The following SAMD14 variants were observed in gnomAD, a reference collection of about 807,000 sequenced individuals.
SAMD14 encodes the protein sterile alpha motif domain-containing protein 14.
SAMD14 carries 27 observed loss-of-function variants against 46.2 expected under a neutral mutation model. That is an observed-to-expected ratio of 0.58 (90% CI 0.43 to 0.81). The LOEUF (loss-of-function observed/expected upper bound fraction) is 0.81, where lower values mean the gene tolerates loss of function less well. Ranked by LOEUF, SAMD14 falls within the 30% of genes least tolerant of loss-of-function variation. SAMD14 has a pLI of 0.00. For missense variants in SAMD14, 559 were observed against 582.2 expected (o/e 0.96, Z 0.41); for synonymous variants, 241 against 254.3 (o/e 0.95, Z 0.50).
rs192404497 is a variant in SAMD14, at chr17:50,117,997, T to C, written c.210+164A>G. On this transcript the variant is annotated intron_variant, in intron 3 of 9. Coordinates refer to ENST00000330175, the MANE Select transcript of SAMD14 (RefSeq NM_001257359.2). ...CTAATAATATCTTCTTTACACAGGA[T>C]TAAATGAGCCAGAAGTGAACTGCAG... 49 of 806,300 alleles carry C rather than the reference T, an allele frequency of 6.1e-5. No individual in the cohort carries two copies. In the African/African-American group the frequency reaches 7.6e-4, roughly 12 times the overall value. The allele number at this position is 806,300 out of a possible 1,614,324, so 49.9% of individuals were successfully genotyped here.
At chr17:50,114,347 C>G (rs771299241) in intron 7 of SAMD14, 41 bp from the exon 8 acceptor site, 4 of 1,613,898 alleles carry the variant, frequency 2.5e-6, no homozygotes, top group Non-Finnish European at 3.4e-6. Flanking sequence ...AGAGTTCACC[C>G]CCAACCCACC....
Position 50,115,154 on chromosome 17 carries a change from A to T in SAMD14, c.822+410T>A, listed in dbSNP as rs557508982. ...ATCACATAGGGTTGTAAGCTTTCAGACCACTAGGTTGGGGTCCTGTTTGTC... is the reference window on the plus strand; with the variant it reads ...ATCACATAGGGTTGTAAGCTTTCAGTCCACTAGGTTGGGGTCCTGTTTGTC... On this transcript the variant is annotated intron_variant, in intron 7 of 9. Transcript: ENST00000330175. The surrounding 1 kb of genome is among the most constrained non-coding windows in gnomAD (Gnocchi z 5.3). 5.5e-4 allele frequency: 92 copies of T among 167,182 alleles called. No individual in the cohort carries two copies. Among genetic ancestry groups the T allele is most frequent in the African/African-American group, 2.1e-3 (90 of 42,050 alleles). The allele number at this position is 167,182 out of a possible 1,614,324, so 10.4% of individuals were successfully genotyped here.
At chr17:50,114,585 A>ATGATAC in intron 7 of SAMD14, 1 of 517,260 alleles carries the variant, frequency 1.9e-6, no homozygotes, top group South Asian at 4.7e-5. Context: ...CACTTCCTAC[A>ATGATAC]GGCAGACCAC....
rs1252035700 is a variant in SAMD14 at position 50,114,255 on chromosome 17, G to A, written c.874C>T (p.Pro292Ser). The A allele has an allele frequency of 6.2e-7, 1 of 1,614,106 alleles. No individual in the cohort carries two copies. The highest frequency in any genetic ancestry group is 8.5e-7 in the Non-Finnish European group (1 of 1,180,006). The change falls in exon 8 of 10, where the codon CCC becomes TCC. Residue 292 changes from proline (P) to serine (S), a missense_variant. Transcript: ENST00000330175. ...STPPSSSPKI[P>S]SGPWQEAKCS... ...TTGGCCTCCTGCCAGGGCCCACTGG[G>A]GATCTTGGGGCTGCTGCTGGGGGGC... is the stretch of plus-strand genomic sequence containing the variant.
Position 50,115,523 on chromosome 17 carries a change from G to A in SAMD14, c.822+41C>T. 1 of 1,509,564 alleles carries A rather than the reference G, an allele frequency of 6.6e-7. No individual in the cohort carries two copies. The highest frequency in any genetic ancestry group is 8.9e-7 in the Non-Finnish European group (1 of 1,127,496). The allele number at this position is 1,509,564 out of a possible 1,614,324, so 93.5% of individuals were successfully genotyped here. On this transcript the variant is annotated intron_variant, in intron 7 of 9. Coordinates refer to ENST00000330175, the MANE Select transcript of SAMD14 (RefSeq NM_001257359.2). This position sits in a 1 kb window ranked among gnomAD's most constrained non-coding sequence, Gnocchi z 5.3. ...TGAAGTACGCCCTCATGTCACCTGAGACTGGGGGCCAGTTTGGGGACAAGA... is the reference window on the plus strand; with the variant it reads ...TGAAGTACGCCCTCATGTCACCTGAAACTGGGGGCCAGTTTGGGGACAAGA...
At position 50,124,963 on chromosome 17, in the gene SAMD14, T is replaced by C. The variant is rs775462331; in HGVS notation, c.-4A>G. ...CTCGGAGCTTTGAAGAAGCCATGACTCAAGAGAGCTGGGAAGGACAAGAGG... is the reference window on the plus strand; with the variant it reads ...CTCGGAGCTTTGAAGAAGCCATGACCCAAGAGAGCTGGGAAGGACAAGAGG... On this transcript the variant is annotated 5_prime_UTR_variant, in exon 2 of 10. It removes the in-frame stop codon of an upstream open reading frame in the 5' UTR. Transcript: ENST00000330175. 37 of 1,613,454 alleles carry C rather than the reference T, an allele frequency of 2.3e-5. No homozygotes were observed. Among genetic ancestry groups the C allele is most frequent in the African/African-American group, 4.0e-5 (3 of 74,684 alleles).
rs746223178 is a variant in SAMD14, at chr17:50,116,078, T to C, written c.512A>G (p.Asp171Gly). The C allele has an allele frequency of 6.2e-7, 1 of 1,613,558 alleles. No homozygotes were observed. Among genetic ancestry groups the C allele is most frequent in the Non-Finnish European group, 8.5e-7 (1 of 1,179,644 alleles). ...GCTGGCGGGCTCAGGAGGACTGGCG[T>C]CACGGCTGTCATCTTTCCAGGGAGA... ...AEPHSEDDSRDASPPEPASPT... is the reference protein window; with the variant it reads ...AEPHSEDDSRGASPPEPASPT... Residue 171 changes from aspartate (D) to glycine (G), a missense_variant, in exon 5 of 10, where the codon GAC (aspartate) becomes GGC (glycine). Transcript: ENST00000330175.
chr17:50,114,741 A>G (rs1304124180), intron 7 of SAMD14: 1 of 265,204 alleles, frequency 3.8e-6, no homozygotes, highest in Non-Finnish European at 7.1e-6. Flanking sequence ...CTTGTTCATC[A>G]TGGTGTCCCA....
At position 50,114,527 on chromosome 17, in the gene SAMD14, AGAACCAAGCCAG is replaced by A. The variant is rs372256003; in HGVS notation, c.823-233_823-222del. 3,813 of 1,296,210 alleles carry A rather than the reference AGAACCAAGCCAG, an allele frequency of 2.9e-3. 5 individuals carry two copies. Among genetic ancestry groups the A allele is most frequent in the African/African-American group, 7.7e-3 (524 of 67,726 alleles). 80.3% of individuals were successfully genotyped at this position (1,296,210 alleles called of 1,614,324 possible). ...GCAGCCATCTGGAGGACATGGGGCT[AGAACCAAGCCAG>A]GTTAGTAGGAATGGAGGCGGTCTCA... On this transcript the variant is annotated intron_variant, in intron 7 of 9. Transcript: ENST00000330175.
rs1406027904 is a variant in SAMD14, at chr17:50,115,137, G to C, written c.822+427C>G. On this transcript the variant is annotated intron_variant, in intron 7 of 9. Transcript: ENST00000330175. This position sits in a 1 kb window ranked among gnomAD's most constrained non-coding sequence, Gnocchi z 5.3. The stretch of plus-strand genomic sequence containing the variant: ...TCTCTTACTCGTCTCACATCACATA[G>C]GGTTGTAAGCTTTCAGACCACTAGG... 1.2e-5 allele frequency: 2 copies of C among 162,656 alleles called. No homozygotes were observed. Among genetic ancestry groups the C allele is most frequent in the African/African-American group, 4.8e-5 (2 of 41,766 alleles). 10.1% of individuals were successfully genotyped at this position (162,656 alleles called of 1,614,324 possible).
intron 7 of SAMD14, 39 bp from the exon 8 acceptor site, chr17:50,114,345 C>A (rs368292780): frequency 1.9e-6 from 3 of 1,614,020 alleles, no homozygotes; most frequent in African/African-American, 1.3e-5. Context: ...GGAGAGTTCA[C>A]CCCCAACCCA....
intron 1 of SAMD14, chr17:50,125,357 A>C: frequency 5.3e-6 from 1 of 188,766 alleles, no homozygotes; most frequent in East Asian, 1.3e-4. Context: ...CTGTCCAATC[A>C]AATCTGGGAG....
At chr17:50,118,060 G>A in intron 3 of SAMD14, 101 bp downstream of exon 3, 2 of 1,281,728 alleles carry the variant, frequency 1.6e-6, no homozygotes, top group South Asian at 1.5e-5. Flanking sequence ...GGAGTCTGGG[G>A]ATGTGGTTTC....
rs202243072 is a variant in SAMD14, at chr17:50,115,796, G to A, written c.662+34C>T. The A allele has an allele frequency of 5.5e-5, 88 of 1,612,780 alleles. No individual in the cohort carries two copies. The highest frequency in any genetic ancestry group is 7.2e-5 in the Non-Finnish European group (85 of 1,179,854). Reference sequence around the variant, plus strand: ...AGAGCACATGGGGAGCCAGGGGCGGGAGCTGTGGGTGGGCCGCCATGGGCA... The same window carrying A: ...AGAGCACATGGGGAGCCAGGGGCGGAAGCTGTGGGTGGGCCGCCATGGGCA... On this transcript the variant is annotated intron_variant, in intron 6 of 9. Transcript: ENST00000330175. This position sits in a 1 kb window ranked among gnomAD's most constrained non-coding sequence, Gnocchi z 5.3.
In SAMD14 at chr17:50,117,606, C is replaced by G. The variant is rs780522250; in HGVS notation, c.300G>C (p.Leu100=). The change falls in exon 4 of 10, where the codon CTG becomes CTC. Residue 100 remains leucine, a synonymous_variant. Transcript: ENST00000330175. ...GGCTGCGCCGCAACCCCGGAGGATCCAGGCAGAAAGAGCCCCCGGCCGGGG... is the reference window on the plus strand; with the variant it reads ...GGCTGCGCCGCAACCCCGGAGGATCGAGGCAGAAAGAGCCCCCGGCCGGGG... ...PGSPAGGSFC[L]DPPGLRRSLD... is the part of the protein sequence containing the mutation. The G allele has an allele frequency of 6.4e-7, 1 of 1,556,898 alleles. No homozygotes were observed. Among genetic ancestry groups the G allele is most frequent in the Non-Finnish European group, 8.6e-7 (1 of 1,161,152 alleles).
In SAMD14 at chr17:50,112,697, C is replaced by T. The variant is rs1910917713; in HGVS notation, c.*196G>A. The T allele has an allele frequency of 1.7e-6, 1 of 583,982 alleles. No homozygotes were observed. Among genetic ancestry groups the T allele is most frequent in the South Asian group, 2.4e-5 (1 of 40,922 alleles). 36.2% of individuals were successfully genotyped at this position (583,982 alleles called of 1,614,324 possible). The stretch of plus-strand genomic sequence containing the variant: ...CCTCAAAATAGGATTTATTACTAGG[C>T]CCTCTCCCTGGGGTCTCCCTTTCTG... On this transcript the variant is annotated 3_prime_UTR_variant, in exon 10 of 10. Transcript: ENST00000330175.
chr17:50,124,833 A>G (rs1911694102), intron 2 of SAMD14, 84 bp downstream of exon 2: 1 of 1,276,920 alleles, frequency 7.8e-7, no homozygotes, highest in African/African-American at 1.5e-5. Context: ...GAAGCACCCT[A>G]TCCCCTTCAA....
intron 1 of SAMD14, 156 bp from the exon 2 acceptor site, chr17:50,125,127 A>T (rs1911706382): frequency 1.5e-6 from 1 of 663,110 alleles, no homozygotes; most frequent in Non-Finnish European, 2.6e-6. Flanking sequence ...AAGAGAAGCC[A>T]CTGGAATCAT....
At chr17:50,114,693 T>C (rs1473700038) in intron 7 of SAMD14, 1 of 401,484 alleles carries the variant, frequency 2.5e-6, no homozygotes, top group African/African-American at 2.1e-5. Flanking sequence ...GTCTTTATCC[T>C]CACTGGACTG....
Sources: gnomAD v4.1 joint callset for allele counts on GRCh38, gnomAD v4.1.1 for gene constraint, Gnocchi (gnomAD v3.1) non-coding constraint, MANE v1.5 for transcripts, NCBI Gene and HGNC (gene_info 2026-07-23, HGNC 2026-07-21) for gene names.